Variants in PRSS23 observed in about 807,000 individuals in gnomAD.
PRSS23 encodes serine protease 23, also known as protease, serine 23.
Under a neutral mutation model 34.7 loss-of-function variants are expected in PRSS23, and 25 were observed. That is an observed-to-expected ratio of 0.72 (90% CI 0.53 to 1.01). The LOEUF is 1.01. Ranked by LOEUF, PRSS23 falls within the 50% of genes least tolerant of loss-of-function variation. PRSS23 has a pLI of 0.00. For missense variants in PRSS23, 445 were observed against 475.6 expected (o/e 0.94, Z 0.60); for synonymous variants, 176 against 186.6 (o/e 0.94, Z 0.46).
chr11:86,910,468 A>G (rs1026526021), intron 2 of PRSS23: 2 of 152,222 alleles, frequency 1.3e-5, no homozygotes, highest in Non-Finnish European at 2.9e-5. Context: ...CAAAACTTAG[A>G]TTGCACGTAG....
At chr11:86,825,799 G>A (rs1328509776) in intron 2 of PRSS23, among the ~76,000 whole-genome samples, 24 of 150,018 alleles carry the variant, frequency 1.6e-4, no homozygotes, top group African/African-American at 5.1e-4. Context: ...GTAGATATGC[G>A]GCGTTATTTC....
At chr11:86,875,498 G>T (rs183480443) in intron 2 of PRSS23, among the ~76,000 whole-genome samples, 7 of 152,158 alleles carry the variant, frequency 4.6e-5, no homozygotes, top group Non-Finnish European at 1.0e-4. Flanking sequence ...TGGTAGGAAC[G>T]CTGACTCTTT....
chr11:86,895,409 T>G (rs1334865615), intron 2 of PRSS23, among the ~76,000 whole-genome samples: 2 of 152,070 alleles, frequency 1.3e-5, no homozygotes, highest in Non-Finnish European at 2.9e-5. Flanking sequence ...TTCAGTGGCA[T>G]TCATTAATAT....
rs762007610 is a variant in PRSS23 at position 86,903,778 on chromosome 11, C to T, written c.207-47438C>T. ...GATTACAGACATGAGCCACCACTCC[C>T]GGACTACATATAATCTTTTAAAATC... On this transcript the variant is annotated intron_variant, in intron 2 of 2. Coordinates refer to the PRSS23 transcript ENST00000533902. Among the ~76,000 whole-genome samples the T allele has an allele frequency of 3.9e-4, 59 of 152,102 alleles. 1 individual carries two copies. Among genetic ancestry groups the T allele is most frequent in the Non-Finnish European group, 1.8e-4 (12 of 68,032 alleles).
At chr11:86,918,923 T>C (rs1239264685) in intron 2 of PRSS23, among the ~76,000 whole-genome samples, 1 of 152,154 alleles carries the variant, frequency 6.6e-6, no homozygotes, top group Non-Finnish European at 1.5e-5. Context: ...GAGGCTCCAG[T>C]AGAAGCCACC....
chr11:86,860,899 C>A (rs930401886), intron 2 of PRSS23, among the ~76,000 whole-genome samples: 2 of 151,770 alleles, frequency 1.3e-5, no homozygotes, highest in South Asian at 4.2e-4. Flanking sequence ...GTACAGCCCC[C>A]CTGTGATATT....
intron 2 of PRSS23, among the ~76,000 whole-genome samples, chr11:86,881,715 A>G (rs538636886): frequency 3.3e-5 from 5 of 152,266 alleles, no homozygotes; most frequent in African/African-American, 1.2e-4. Context: ...CAGTGAAATC[A>G]TCTGGTCCTG....
At chr11:86,867,216 T>C (rs1329877512) in intron 2 of PRSS23, among the ~76,000 whole-genome samples, 1 of 152,236 alleles carries the variant, frequency 6.6e-6, no homozygotes, top group Non-Finnish European at 1.5e-5. Flanking sequence ...TTCTCTGTGA[T>C]AAAACCACCT....
intron 2 of PRSS23, among the ~76,000 whole-genome samples, chr11:86,943,768 G>C (rs1423380983): frequency 6.6e-6 from 1 of 152,144 alleles, no homozygotes. Flanking sequence ...ATTTGGGACA[G>C]AGTGTTGCTG....
intron 2 of PRSS23, among the ~76,000 whole-genome samples, chr11:86,914,531 C>T (rs1317114470): frequency 2.0e-5 from 3 of 152,196 alleles, no homozygotes; most frequent in Non-Finnish European, 4.4e-5. Flanking sequence ...ATTTCATAAT[C>T]GTGTATCACA....
At chr11:86,888,126 A>C (rs1565377666) in intron 2 of PRSS23, among the ~76,000 whole-genome samples, 1 of 145,440 alleles carries the variant, frequency 6.9e-6, no homozygotes, top group East Asian at 2.0e-4. Context: ...TTAAAAAAAA[A>C]CAAAACAAAA....
chr11:86,879,792 C>G (rs1475111567), intron 2 of PRSS23, among the ~76,000 whole-genome samples: 2 of 108,908 alleles, frequency 1.8e-5, no homozygotes, highest in African/African-American at 3.6e-5. Flanking sequence ...GCCCCCTGCC[C>G]GGCCAGCCGC....
At chr11:86,916,224 T>C (rs1296946619) in intron 2 of PRSS23, among the ~76,000 whole-genome samples, 1 of 152,206 alleles carries the variant, frequency 6.6e-6, no homozygotes, top group Non-Finnish European at 1.5e-5. Context: ...ATTTTGGTTT[T>C]CTTTTTACAA....
At chr11:86,841,169 A>G (rs1373199710) in intron 2 of PRSS23, among the ~76,000 whole-genome samples, 1 of 151,964 alleles carries the variant, frequency 6.6e-6, no homozygotes, top group Non-Finnish European at 1.5e-5. Flanking sequence ...GAGATACTCC[A>G]TCTCTACTAA....
At chr11:86,820,681 A>G (rs1253660308) in intron 1 of PRSS23, among the ~76,000 whole-genome samples, 2 of 152,358 alleles carry the variant, frequency 1.3e-5, no homozygotes, top group Admixed American at 6.5e-5. Context: ...CATTTGAGGA[A>G]AGTTAACAGG....
chr11:86,937,270 T>C (rs566562112), intron 2 of PRSS23: 1 of 152,230 alleles, frequency 6.6e-6, no homozygotes, highest in South Asian at 2.1e-4. Flanking sequence ...GACAGGTGTA[T>C]GTAAAATATT....
At chr11:86,917,006 G>A (rs1040180630) in intron 2 of PRSS23, among the ~76,000 whole-genome samples, 3 of 152,320 alleles carry the variant, frequency 2.0e-5, no homozygotes, top group Admixed American at 1.3e-4. Flanking sequence ...CTTTTTAAAT[G>A]TGCCATCCAA....
chr11:86,864,788 C>T (rs1453934365), intron 2 of PRSS23, among the ~76,000 whole-genome samples: 1 of 152,216 alleles, frequency 6.6e-6, no homozygotes, highest in East Asian at 1.9e-4. Context: ...CCTTTTCCAG[C>T]TTCTAGAGGC....
intron 2 of PRSS23, among the ~76,000 whole-genome samples, chr11:86,926,768 T>G (rs1464490654): frequency 2.0e-5 from 3 of 152,208 alleles, no homozygotes; most frequent in Non-Finnish European, 4.4e-5. Flanking sequence ...TTCAACTGTT[T>G]CCCCTCGCAT....
Sources: allele counts gnomAD v4.1 joint callset (sites outside exome capture counted in the v4.1 genomes callset), GRCh38; gene constraint gnomAD v4.1.1; transcripts MANE v1.5; gene names NCBI Gene and HGNC (gene_info 2026-07-23, HGNC 2026-07-21).